Variants in ZFP30 observed in about 807,000 individuals in gnomAD.
The protein encoded by ZFP30 is zinc finger protein 30 homolog.
A neutral mutation model predicts 12.3 loss-of-function variants in ZFP30; 16 were observed. The ratio of observed to expected loss-of-function variants is 1.30; its 90% CI spans 0.88 to 1.98. ZFP30 has a LOEUF of 1.98. ZFP30 is among the 30% of genes most tolerant of loss of function. The pLI, the probability that ZFP30 is intolerant of heterozygous loss-of-function variation, is 0.00. For missense variants in ZFP30, 560 were observed against 611.2 expected, an observed-to-expected ratio of 0.92 and a Z score of 0.88; for synonymous variants, 172 against 201.0, an observed-to-expected ratio of 0.86 and a Z score of 1.22.
chr19:37,634,348 C>T lies in ZFP30; in HGVS notation c.*633G>A, dbSNP rs542159449. The T allele has an allele frequency of 6.6e-6, 1 of 152,264 alleles. No individual in the cohort carries two copies. The allele number at this position is 152,264 out of a possible 1,614,324, so 9.4% of individuals were successfully genotyped here. ...TTAGGAGGCACGTAATTTTTACTCTCTTGCTTTTTGTGAAGTTGAGATGAT... is the reference window on the plus strand; with the variant it reads ...TTAGGAGGCACGTAATTTTTACTCTTTTGCTTTTTGTGAAGTTGAGATGAT... On this transcript the variant is annotated 3_prime_UTR_variant, in exon 6 of 6. Coordinates refer to ENST00000684514, the MANE Select transcript of ZFP30 (RefSeq NM_001320669.3).
At chr19:37,647,683 T>C (rs2044569836) in intron 3 of ZFP30, 131 bp downstream of exon 3, 1 of 1,141,344 alleles carries the variant, frequency 8.8e-7, no homozygotes, top group Non-Finnish European at 1.3e-6. Flanking sequence ...CATCCCGTGC[T>C]GGAATGGGGA....
chr19:37,640,841 C>A (rs1030934523), intron 5 of ZFP30, among the ~76,000 whole-genome samples: 2 of 152,054 alleles, frequency 1.3e-5, no homozygotes, highest in East Asian at 1.9e-4. Flanking sequence ...ATGTCTCCCC[C>A]ACCCCTTTTT....
rs190536605 is a variant in ZFP30, at chr19:37,642,949, A to G, written c.235+316T>C. ...GTGCCTGTGGTCCCAGCTACTGGGG[A>G]GGCTGAGGCAGGAGAATGGCGTGAA... is the stretch of plus-strand genomic sequence containing the variant. On this transcript the variant is annotated intron_variant, in intron 5 of 5. Transcript: ENST00000684514. Among the ~76,000 whole-genome samples, 917 of 148,084 alleles carry G rather than the reference A, an allele frequency of 6.2e-3. 4 individuals are homozygous for G. Among genetic ancestry groups the G allele is most frequent in the Non-Finnish European group, 9.7e-3 (650 of 67,194 alleles).
At position 37,637,181 on chromosome 19, in the gene ZFP30, C is replaced by T. The variant is rs17246181; in HGVS notation, c.236-876G>A. 8.5e-3 allele frequency among the ~76,000 whole-genome samples: 1,273 copies of T among 150,626 alleles called. 10 individuals carry two copies. Among genetic ancestry groups the T allele is most frequent in the Non-Finnish European group, 0.014 (944 of 67,656 alleles). On this transcript the variant is annotated intron_variant, in intron 5 of 5. Transcript: ENST00000684514. Reference sequence around the variant, plus strand: ...TATCCTTTGTTTTCTATCCCAGTCACTTCTTTCTTTTTTCTTTTTTTCTTT... The same window carrying T: ...TATCCTTTGTTTTCTATCCCAGTCATTTCTTTCTTTTTTCTTTTTTTCTTT...
At chr19:37,645,254 G>GATACATGTTCACTTC (rs1359016011) in intron 3 of ZFP30, among the ~76,000 whole-genome samples, 1 of 151,908 alleles carries the variant, frequency 6.6e-6, no homozygotes, top group Non-Finnish European at 1.5e-5. Flanking sequence ...GGGTTTTGAT[G>GATACATGTTCACTTC]ATACATGTTC....
intron 5 of ZFP30, among the ~76,000 whole-genome samples, chr19:37,640,888 A>ATT (rs1207347257): frequency 6.6e-6 from 1 of 152,050 alleles, no homozygotes; most frequent in Non-Finnish European, 1.5e-5. Context: ...GATACAGAAT[A>ATT]TTTATGACCA....
Position 37,635,622 on chromosome 19 carries a change from A to C in ZFP30, c.919T>G (p.Phe307Val). 6.2e-7 allele frequency: 1 copy of C among 1,614,178 alleles called. No homozygotes were observed. The highest frequency in any genetic ancestry group is 8.5e-7 in the Non-Finnish European group (1 of 1,180,036). ...CYECKECGQA[F>V]LCSTGLRLHH... Reference sequence around the variant, plus strand: ...AGTCGAAGGCCTGTACTACACAGAAAGGCCTGACCACATTCCTTACACTCA... The same window carrying C: ...AGTCGAAGGCCTGTACTACACAGAACGGCCTGACCACATTCCTTACACTCA... The change falls in exon 6 of 6, where the codon TTT becomes GTT. Residue 307 changes from phenylalanine to valine, a missense_variant. Transcript: ENST00000684514.
In ZFP30 at chr19:37,636,125, T is replaced by G; in HGVS notation, c.416A>C (p.Tyr139Ser). Residue 139 changes from tyrosine (Y) to serine (S), a missense_variant, in exon 6 of 6, where the codon TAC becomes TCC. Coordinates refer to ENST00000684514, the MANE Select transcript of ZFP30 (RefSeq NM_001320669.3). ...TKTTSEKMPT[Y>S]RKLTSLPLYQ... ...CAGAGGAAGAGATGTGAGTTTTCTG[T>G]AAGTAGGCATTTTTTCAGAGGTGGT... The G allele has an allele frequency of 1.2e-6, 2 of 1,614,204 alleles. No individual in the cohort carries two copies. The highest frequency in any genetic ancestry group is 1.7e-6 in the Non-Finnish European group (2 of 1,180,044).
intron 2 of ZFP30, among the ~76,000 whole-genome samples, chr19:37,653,222 C>A (rs1256659413): frequency 3.3e-5 from 5 of 151,908 alleles, no homozygotes; most frequent in Non-Finnish European, 2.9e-5. Context: ...ATAATTTCTA[C>A]CAGTTCCTGA....
At chr19:37,655,469 G>C (rs2044739638), upstream of ZFP30, 1 of 152,418 alleles carries the variant, frequency 6.6e-6, no homozygotes, top group Non-Finnish European at 1.5e-5. Flanking sequence ...CCAGAATACG[G>C]GAGAGCGCCT....
At chr19:37,651,329 C>A (rs1031581949) in intron 2 of ZFP30, 1 of 152,036 alleles carries the variant, frequency 6.6e-6, no homozygotes, top group African/African-American at 2.4e-5. Context: ...GTAATCCCAG[C>A]ATTTTGGGAG....
At chr19:37,647,775 A>G in intron 3 of ZFP30, 39 bp downstream of exon 3, 3 of 1,613,340 alleles carry the variant, frequency 1.9e-6, no homozygotes, top group Non-Finnish European at 2.5e-6. Flanking sequence ...ACCTGAAAAA[A>G]ATGACAGAAT....
chr19:37,647,975 C>G (rs2044575691), intron 2 of ZFP30, 76 bp from the exon 3 acceptor site: 1 of 769,198 alleles, frequency 1.3e-6, no homozygotes, highest in East Asian at 2.6e-5. Context: ...GGTACTACTT[C>G]TCCATTCCTA....
Position 37,633,784 on chromosome 19 carries a change from A to G in ZFP30, c.*1197T>C, listed in dbSNP as rs2044272201. 6.6e-6 allele frequency: 1 copy of G among 152,238 alleles called. No individual in the cohort carries two copies. The highest frequency in any genetic ancestry group is 2.4e-5 in the African/African-American group (1 of 41,458). The allele number at this position is 152,238 out of a possible 1,614,324, so 9.4% of individuals were successfully genotyped here. On this transcript the variant is annotated 3_prime_UTR_variant, in exon 6 of 6. Coordinates refer to ENST00000684514, the MANE Select transcript of ZFP30 (RefSeq NM_001320669.3). ...AAAACAAAACAAATAAAAACCATGT[A>G]TCCAAGACTTAGGTTACCATCATTT...
intron 5 of ZFP30, among the ~76,000 whole-genome samples, chr19:37,638,718 A>G (rs2147262427): frequency 6.6e-6 from 1 of 152,352 alleles, no homozygotes; most frequent in East Asian, 1.9e-4. Flanking sequence ...TGAATAAACA[A>G]AACTAGACAT....
In ZFP30 at chr19:37,634,760, T is replaced by A. The variant is rs1011596938; in HGVS notation, c.*221A>T. 1.9e-5 allele frequency: 9 copies of A among 463,718 alleles called. No individual in the cohort carries two copies. Among genetic ancestry groups the A allele is most frequent in the Non-Finnish European group, 3.3e-5 (9 of 275,748 alleles). The allele number at this position is 463,718 out of a possible 1,614,324, so 28.7% of individuals were successfully genotyped here. A position where few individuals can be genotyped will look rare whatever the true frequency, so the allele number is the denominator to read the frequency against. ...AGCTTTTCCACATTCAGTCCTGTAA[T>A]AAAGTTCTTTTCTAGGATGAATTTC... On this transcript the variant is annotated 3_prime_UTR_variant, in exon 6 of 6. Coordinates refer to ENST00000684514, the MANE Select transcript of ZFP30 (RefSeq NM_001320669.3).
At chr19:37,655,024 C>T (rs1194695260) in intron 1 of ZFP30, 145 bp from the exon 2 acceptor site, 1 of 152,298 alleles carries the variant, frequency 6.6e-6, no homozygotes, top group Non-Finnish European at 1.5e-5. Context: ...TCCAGCGTGT[C>T]CTCCTAGACC....
At chr19:37,647,177 G>A (rs2044559433) in intron 3 of ZFP30, among the ~76,000 whole-genome samples, 1 of 152,072 alleles carries the variant, frequency 6.6e-6, no homozygotes, top group African/African-American at 2.4e-5. Flanking sequence ...CCACTTCTAG[G>A]AACTTCATTT....
chr19:37,635,926 C>G lies in ZFP30; in HGVS notation c.615G>C (p.Gln205His). Residue 205 changes from glutamine to histidine, a missense_variant, in exon 6 of 6, where the codon CAG (glutamine) becomes CAC (histidine). Gln to His is a conservative substitution (Grantham distance 24). Transcript: ENST00000684514. ...FRQCAHLSRH[Q>H]RIHTSDKLYE... is the part of the protein sequence containing the mutation. ...AGAGTTTGTCAGAAGTATGAATTCT[C>G]TGATGTCGACTGAGGTGGGCACACT... 1 of 1,614,168 alleles carries G rather than the reference C, an allele frequency of 6.2e-7. No homozygotes were observed. Among genetic ancestry groups the G allele is most frequent in the Non-Finnish European group, 8.5e-7 (1 of 1,180,018 alleles).
Sources: allele counts gnomAD v4.1 joint callset (sites outside exome capture counted in the v4.1 genomes callset), GRCh38; gene constraint gnomAD v4.1.1; transcripts MANE v1.5; gene names NCBI Gene and HGNC (gene_info 2026-07-23, HGNC 2026-07-21).